RNF41: variants seen among roughly 807,000 people sequenced by gnomAD.
RNF41 encodes E3 ubiquitin-protein ligase NRDP1.
Under a neutral mutation model 33.0 loss-of-function variants are expected in RNF41, and 4 were observed. That is an observed-to-expected ratio of 0.12 (90% CI 0.06 to 0.28). RNF41 has a LOEUF of 0.28. Among genes scored for constraint, RNF41 ranks in the 10% least tolerant of loss-of-function variants. The pLI is 1.00. For synonymous variants in RNF41, 164 were observed against 153.2 expected (o/e 1.07, Z -0.52); for missense variants, 228 against 432.6 (o/e 0.53, Z 4.19).
At chr12:56,218,986 G>A (rs1869125967) in intron 1 of RNF41, among the ~76,000 whole-genome samples, 1 of 150,646 alleles carries the variant, frequency 6.6e-6, no homozygotes, top group Non-Finnish European at 1.5e-5. Context: ...ATAGGCGTGA[G>A]CCACCATGCT....
intron 2 of RNF41, among the ~76,000 whole-genome samples, chr12:56,216,223 C>T (rs571914130): frequency 4.0e-5 from 6 of 151,712 alleles, no homozygotes; most frequent in Admixed American, 2.0e-4. Flanking sequence ...AACACATAAA[C>T]GTATTAAGCA....
At position 56,208,247 on chromosome 12, in the gene RNF41, C is replaced by T. The variant is rs773719764; in HGVS notation, c.414G>A (p.Leu138=). ...TCTGCTGCTGCTGTACCACTGAGCG[C>T]AGGTGCTTAATGCAGTTATGGTTGG... ...ELPNHNCIKH[L]RSVVQQQQTR... The change falls in exon 5 of 7, where the codon CTG becomes CTA. Residue 138 remains leucine (L), a synonymous_variant. Coordinates refer to ENST00000345093, the MANE Select transcript of RNF41 (RefSeq NM_005785.4). 7 of 1,614,076 alleles carry T rather than the reference C, an allele frequency of 4.3e-6. No homozygotes were observed. Among genetic ancestry groups the T allele is most frequent in the Non-Finnish European group, 5.1e-6 (6 of 1,180,044 alleles).
At chr12:56,209,112 G>C (rs773661) in intron 4 of RNF41, among the ~76,000 whole-genome samples, 1 of 151,308 alleles carries the variant, frequency 6.6e-6, no homozygotes. Context: ...TGATCCGCCC[G>C]CCTCGTCCTC....
At chr12:56,209,875 A>G (rs1257745247) in intron 4 of RNF41, among the ~76,000 whole-genome samples, 3 of 152,236 alleles carry the variant, frequency 2.0e-5, no homozygotes, top group Non-Finnish European at 4.4e-5. Flanking sequence ...AAGTGCTAGG[A>G]TTACAGGTGT....
chr12:56,210,996 C>T (rs985135296), intron 3 of RNF41, among the ~76,000 whole-genome samples: 2 of 152,144 alleles, frequency 1.3e-5, no homozygotes, highest in African/African-American at 2.4e-5. Context: ...ACCAGCCTGA[C>T]CGACATGGTG....
intron 6 of RNF41, chr12:56,207,276 G>C (rs1408644042): frequency 7.5e-7 from 1 of 1,336,162 alleles, no homozygotes; most frequent in Admixed American, 2.2e-5. Flanking sequence ...TCCTGGACTT[G>C]CACTCTGCCT....
intron 6 of RNF41, chr12:56,207,426 G>A: frequency 1.3e-6 from 1 of 784,952 alleles, no homozygotes; most frequent in East Asian, 2.8e-5. Flanking sequence ...GCATCCTTGG[G>A]CAGGCTTTCC....
chr12:56,210,907 C>G (rs1217271711), intron 3 of RNF41, among the ~76,000 whole-genome samples: 1 of 152,188 alleles, frequency 6.6e-6, no homozygotes, highest in African/African-American at 2.4e-5. Context: ...CGGGCATAGG[C>G]CGGGCGCAGT....
intron 1 of RNF41, among the ~76,000 whole-genome samples, chr12:56,218,922 T>TA (rs1185065134): frequency 2.7e-5 from 4 of 150,922 alleles, no homozygotes; most frequent in Non-Finnish European, 4.4e-5. Context: ...CAGGATGGTC[T>TA]CAATCTCCTG....
intron 5 of RNF41, 103 bp downstream of exon 5, chr12:56,208,060 G>A: frequency 4.4e-6 from 6 of 1,371,208 alleles, no homozygotes; most frequent in Non-Finnish European, 6.2e-6. Flanking sequence ...AGGCTCACAA[G>A]TGTAAGCACT....
At chr12:56,210,060 T>C (rs1868370966) in intron 4 of RNF41, 1 of 559,892 alleles carries the variant, frequency 1.8e-6, no homozygotes. Flanking sequence ...GCTTTAATGT[T>C]ATTACACAAA....
At chr12:56,209,481 G>A (rs1251080142) in intron 4 of RNF41, among the ~76,000 whole-genome samples, 8 of 142,178 alleles carry the variant, frequency 5.6e-5, no homozygotes, top group African/African-American at 1.6e-4. Context: ...TTTTTGAGAC[G>A]GAGTCTCGCT....
At chr12:56,220,016 C>A in intron 1 of RNF41, among the ~76,000 whole-genome samples, 1 of 72,466 alleles carries the variant, frequency 1.4e-5, no homozygotes, top group Admixed American at 1.9e-4. Flanking sequence ...GACCCTGTCT[C>A]AAAAATAAAT....
At chr12:56,211,882 G>A (rs1427841796) in intron 3 of RNF41, among the ~76,000 whole-genome samples, 1 of 152,150 alleles carries the variant, frequency 6.6e-6, no homozygotes, top group Non-Finnish European at 1.5e-5. Context: ...TGAGGCAGAA[G>A]AATGGCGTGA....
At position 56,202,477 on chromosome 12, in the gene RNF41, G is replaced by A. The variant is rs1013146795; in HGVS notation, c.*3970C>T. On this transcript the variant is annotated 3_prime_UTR_variant, in exon 7 of 7. Transcript: ENST00000345093. ...GTTCCAGCTACTTAACCCTGCTGTT[G>A]TAATGTGAAAGCAGCCACAGACAAT... 5 of 152,180 alleles carry A rather than the reference G, an allele frequency of 3.3e-5. No homozygotes were observed. The highest frequency in any genetic ancestry group is 1.2e-4 in the African/African-American group (5 of 41,446). 9.4% of individuals were successfully genotyped at this position (152,180 alleles called of 1,614,324 possible).
chr12:56,214,885 C>T lies in RNF41; in HGVS notation c.-23-815G>A, dbSNP rs574161272. ...AATGGGGGAAGACATTATATAAGCACACATTTAAAATATAAAGTGATAAAT... is the reference window on the plus strand; with the variant it reads ...AATGGGGGAAGACATTATATAAGCATACATTTAAAATATAAAGTGATAAAT... On this transcript the variant is annotated intron_variant, in intron 2 of 6. Coordinates refer to ENST00000345093, the MANE Select transcript of RNF41 (RefSeq NM_005785.4). Among the ~76,000 whole-genome samples the T allele has an allele frequency of 5.3e-5, 8 of 151,990 alleles. No individual in the cohort carries two copies. The South Asian group carries it at 1.0e-3, about 20-fold the overall frequency.
At chr12:56,211,352 AAT>A (rs138369744) in intron 3 of RNF41, among the ~76,000 whole-genome samples, 15 of 149,900 alleles carry the variant, frequency 1.0e-4, no homozygotes, top group Non-Finnish European at 8.9e-5. Flanking sequence ...TAAATAAATA[AAT>A]ATATATATAT....
At position 56,203,097 on chromosome 12, in the gene RNF41, G is replaced by A. The variant is rs868845639; in HGVS notation, c.*3350C>T. ...TTTTCAAGCCACTAGAGTATCAAGA[G>A]TACTATTAGGTTTACATCAGGTGCA... On this transcript the variant is annotated 3_prime_UTR_variant, in exon 7 of 7. Coordinates refer to ENST00000345093, the MANE Select transcript of RNF41 (RefSeq NM_005785.4). 2 of 147,924 alleles carry A rather than the reference G, an allele frequency of 1.4e-5. No individual in the cohort carries two copies. The highest frequency in any genetic ancestry group is 3.0e-5 in the Non-Finnish European group (2 of 67,492). 9.2% of individuals were successfully genotyped at this position (147,924 alleles called of 1,614,324 possible). A position where few individuals can be genotyped will look rare whatever the true frequency, so the allele number is the denominator to read the frequency against.
intron 6 of RNF41, 43 bp downstream of exon 6, chr12:56,207,603 T>C (rs776149944): frequency 7.0e-7 from 1 of 1,420,628 alleles, no homozygotes; most frequent in Non-Finnish European, 1.0e-6. Flanking sequence ...TCAGGCCTTG[T>C]TGTCAGGACA....
Sources: gnomAD v4.1 joint callset for allele counts (sites outside exome capture counted in the v4.1 genomes callset) on GRCh38, gnomAD v4.1.1 for gene constraint, MANE v1.5 for transcripts, NCBI Gene and HGNC (gene_info 2026-07-23, HGNC 2026-07-21) for gene names.